RYR3: variants seen among roughly 807,000 people sequenced by gnomAD.
RYR3 encodes ryanodine receptor 3, also known as brain ryanodine receptor-calcium release channel.
Under a neutral mutation model 584.3 loss-of-function variants are expected in RYR3, and 207 were observed. That is an observed-to-expected ratio of 0.35 (90% confidence interval 0.32 to 0.40). RYR3 has a LOEUF of 0.40. Ranked by LOEUF, RYR3 falls within the 10% of genes least tolerant of loss-of-function variation. The probability of loss-of-function intolerance (pLI) is 1.00; values close to 1 mark genes in which losing one functional copy is unlikely to be tolerated. For missense variants in RYR3, 5,616 were observed against 6,089.2 expected (o/e 0.92, Z 2.59); for synonymous variants, 2,416 against 2,248.5 (o/e 1.07, Z -2.11).
intron 64 of RYR3, among the ~76,000 whole-genome samples, chr15:33,778,138 C>G (rs547232672): frequency 6.7e-6 from 1 of 149,154 alleles, no homozygotes; most frequent in Admixed American, 6.7e-5. Flanking sequence ...CCACTGTACT[C>G]CAGCCTGGGC....
chr15:33,580,269 T>C, intron 13 of RYR3, 125 bp downstream of exon 13: 1 of 812,188 alleles, frequency 1.2e-6, no homozygotes, highest in South Asian at 2.1e-5. Flanking sequence ...ACAAGAGAGA[T>C]TTGGAAGCTG....
chr15:33,601,024 A>G (rs2152550840), intron 16 of RYR3, among the ~76,000 whole-genome samples: 1 of 152,288 alleles, frequency 6.6e-6, no homozygotes, highest in Admixed American at 6.5e-5. Context: ...GACAGTGAGC[A>G]GGGCCTGGAT....
intron 4 of RYR3, among the ~76,000 whole-genome samples, chr15:33,531,756 T>C (rs1027947544): frequency 2.6e-5 from 4 of 152,098 alleles, no homozygotes; most frequent in Non-Finnish European, 5.9e-5. Context: ...AACGGAAGTG[T>C]ATCCAAGTAG....
At chr15:33,721,981 T>C (rs1238235260) in intron 43 of RYR3, among the ~76,000 whole-genome samples, 1 of 152,174 alleles carries the variant, frequency 6.6e-6, no homozygotes, top group Non-Finnish European at 1.5e-5. Context: ...AGAACAAGTT[T>C]AGGAATAACC....
chr15:33,765,648 A>G (rs1244415976), intron 60 of RYR3, among the ~76,000 whole-genome samples: 8 of 151,402 alleles, frequency 5.3e-5, no homozygotes, highest in Non-Finnish European at 8.8e-5. Flanking sequence ...AAAAAAAAAA[A>G]AAAAAAAGAA....
At chr15:33,794,271 A>T (rs1422641503) in intron 67 of RYR3, among the ~76,000 whole-genome samples, 1 of 123,484 alleles carries the variant, frequency 8.1e-6, no homozygotes, top group Non-Finnish European at 1.6e-5. Flanking sequence ...TTTCCCATAG[A>T]TAGGTAAGGA....
chr15:33,801,066 G>C (rs1160319715), intron 68 of RYR3, among the ~76,000 whole-genome samples: 2 of 152,234 alleles, frequency 1.3e-5, no homozygotes, highest in African/African-American at 4.8e-5. Flanking sequence ...ATACACTTCA[G>C]TGGGACAGAA....
chr15:33,376,548 G>A (rs572825491), intron 1 of RYR3, among the ~76,000 whole-genome samples: 1 of 152,194 alleles, frequency 6.6e-6, no homozygotes, highest in African/African-American at 2.4e-5. Context: ...TTGGATGAGG[G>A]CTACCCCCTG....
At position 33,669,459 on chromosome 15, in the gene RYR3, A is replaced by G. The variant is rs2063687364; in HGVS notation, c.5722+3A>G. On this transcript the variant is annotated splice_donor_region_variant and intron_variant, in intron 37 of 103. Coordinates refer to ENST00000634891, the MANE Select transcript of RYR3 (RefSeq NM_001036.6). Reference sequence around the variant, plus strand: ...TGAGGACCTTCTCCTTCACTGTGGTAAGCTGCCCAGAGAAAGGCTTTGTCC... The same window carrying G: ...TGAGGACCTTCTCCTTCACTGTGGTGAGCTGCCCAGAGAAAGGCTTTGTCC... 3 of 1,613,020 alleles carry G rather than the reference A, an allele frequency of 1.9e-6. No homozygotes were observed. The East Asian group carries it at 6.7e-5, about 36-fold the overall frequency.
At chr15:33,722,975 G>C (rs909790067) in intron 44 of RYR3, 80 bp downstream of exon 44, 29 of 1,259,230 alleles carry the variant, frequency 2.3e-5, no homozygotes, top group Non-Finnish European at 3.0e-5. Flanking sequence ...TGATTTAGGA[G>C]GTAATAGAGA....
intron 64 of RYR3, among the ~76,000 whole-genome samples, chr15:33,775,105 A>G (rs2073905228): frequency 6.6e-6 from 1 of 151,766 alleles, no homozygotes; most frequent in Non-Finnish European, 1.5e-5. Flanking sequence ...GTGACTTTCT[A>G]TCCTTTATTC....
chr15:33,380,795 C>T (rs1321799197), intron 1 of RYR3, among the ~76,000 whole-genome samples: 1 of 152,204 alleles, frequency 6.6e-6, no homozygotes, highest in Non-Finnish European at 1.5e-5. Context: ...AAGCCTTACA[C>T]GGAGACCCAG....
chr15:33,742,764 G>A (rs1339482877), intron 52 of RYR3, among the ~76,000 whole-genome samples: 2 of 152,054 alleles, frequency 1.3e-5, no homozygotes, highest in African/African-American at 2.4e-5. Context: ...TAATGGGAAT[G>A]GGAAGGCTGC....
At position 33,310,976 on chromosome 15, in the gene RYR3, C is replaced by G; in HGVS notation, c.-70C>G. ...GGAGAAAGAGCGCAGCAGCAGTCAG[C>G]GCACGCCGAGCGGCTGCCGGGGGAA... On this transcript the variant is annotated 5_prime_UTR_variant, in exon 1 of 104. Coordinates refer to ENST00000634891, the MANE Select transcript of RYR3 (RefSeq NM_001036.6). The G allele has an allele frequency of 6.6e-6, 8 of 1,219,148 alleles. No individual in the cohort carries two copies. Among genetic ancestry groups the G allele is most frequent in the African/African-American group, 1.5e-5 (1 of 65,076 alleles). The allele number at this position is 1,219,148 out of a possible 1,614,324, so 75.5% of individuals were successfully genotyped here.
intron 11 of RYR3, among the ~76,000 whole-genome samples, chr15:33,566,425 G>A (rs1263895205): frequency 6.6e-6 from 1 of 152,190 alleles, no homozygotes; most frequent in Non-Finnish European, 1.5e-5. Flanking sequence ...TGAGGAATAT[G>A]TGGTAACTCA....
chr15:33,320,261 G>T (rs1219951141), intron 1 of RYR3, among the ~76,000 whole-genome samples: 1 of 152,214 alleles, frequency 6.6e-6, no homozygotes, highest in Admixed American at 6.5e-5. Flanking sequence ...ATAAAAGAGA[G>T]ATTGGCAGGC....
At chr15:33,864,241 T>C in intron 103 of RYR3, 52 bp downstream of exon 103, 1 of 1,414,332 alleles carries the variant, frequency 7.1e-7, no homozygotes, top group African/African-American at 1.4e-5. Context: ...TCCTAAATCT[T>C]GAGACTTAGT....
chr15:33,559,336 CA>C (rs2057278938), intron 10 of RYR3, among the ~76,000 whole-genome samples: 1 of 152,162 alleles, frequency 6.6e-6, no homozygotes, highest in South Asian at 2.1e-4. Flanking sequence ...GATCATCAGT[CA>C]GGTGCAGCCA....
Position 33,662,929 on chromosome 15 carries a change from C to T in RYR3, c.5399C>T (p.Pro1800Leu). Residue 1800 changes from proline to leucine, a missense_variant, in exon 35 of 104, where the codon CCC becomes CTC. Pro to Leu is a moderately conservative substitution (Grantham distance 98). Transcript: ENST00000634891. ...AAAGGCTTGTTGCAGACTCGATTAC[C>T]CGAATCCGTCAAGCTGCAGGTAAGC... ...PVKGLLQTRLPESVKLQMCEL... is the reference protein window; with the variant it reads ...PVKGLLQTRLLESVKLQMCEL... 3 of 1,612,410 alleles carry T rather than the reference C, an allele frequency of 1.9e-6. No individual in the cohort carries two copies. Among genetic ancestry groups the T allele is most frequent in the Non-Finnish European group, 2.5e-6 (3 of 1,179,370 alleles).
Sources: allele counts gnomAD v4.1 joint callset (sites outside exome capture counted in the v4.1 genomes callset), GRCh38; gene constraint gnomAD v4.1.1; transcripts MANE v1.5; gene names NCBI Gene and HGNC (gene_info 2026-07-23, HGNC 2026-07-21).